RFC3: variants seen among roughly 807,000 people sequenced by gnomAD.
The protein encoded by RFC3 is replication factor C subunit 3, also known as A1 38 kDa subunit.
RFC3 carries 41 observed loss-of-function variants against 45.1 expected under a neutral mutation model. That is an observed-to-expected ratio of 0.91 (90% CI 0.71 to 1.18). RFC3 has a LOEUF of 1.18. Among genes scored for constraint, RFC3 ranks in the 50% most tolerant of loss-of-function variants. RFC3 has a pLI of 0.00. For missense variants in RFC3, 423 were observed against 428.1 expected (o/e 0.99, Z 0.10); for synonymous variants, 149 against 144.0 (o/e 1.03, Z -0.25).
At chr13:33,945,866 A>G (rs2082951066) in intron 8 of RFC3, among the ~76,000 whole-genome samples, 1 of 152,206 alleles carries the variant, frequency 6.6e-6, no homozygotes, top group Non-Finnish European at 1.5e-5. Flanking sequence ...ATCCCTTTCT[A>G]AGGCGGGACA....
chr13:33,862,024 G>T (rs2082343996), intron 8 of RFC3, among the ~76,000 whole-genome samples: 1 of 152,144 alleles, frequency 6.6e-6, no homozygotes, highest in Admixed American at 6.5e-5. Flanking sequence ...TAATTCACAG[G>T]ATTATCAAAA....
At chr13:33,824,010 A>C (rs1168578910) in intron 3 of RFC3, 26 bp downstream of exon 3, 1 of 1,201,696 alleles carries the variant, frequency 8.3e-7, no homozygotes, top group Non-Finnish European at 1.2e-6. Flanking sequence ...ATAGAAATTA[A>C]GTATTTTTAA....
intron 1 of RFC3, 32 bp downstream of exon 1, chr13:33,818,297 G>C (rs1256626313): frequency 6.3e-7 from 1 of 1,591,606 alleles, no homozygotes; most frequent in Non-Finnish European, 8.6e-7. Flanking sequence ...GCGTGGGAGA[G>C]GGGAGGCCCC....
At chr13:33,953,180 T>G (rs2083000916) in intron 8 of RFC3, among the ~76,000 whole-genome samples, 1 of 152,190 alleles carries the variant, frequency 6.6e-6, no homozygotes, top group African/African-American at 2.4e-5. Context: ...GTATTTATTT[T>G]AGAATGGATG....
At chr13:33,901,173 A>G (rs1319066070) in intron 8 of RFC3, among the ~76,000 whole-genome samples, 2 of 152,068 alleles carry the variant, frequency 1.3e-5, no homozygotes, top group African/African-American at 2.4e-5. Context: ...TATATGATAT[A>G]GGAATTCAAC....
In RFC3 at chr13:33,893,060, T is replaced by C. The variant is rs115515257; in HGVS notation, c.879+57843T>C. Among the ~76,000 whole-genome samples the C allele has an allele frequency of 3.9e-3, 591 of 152,268 alleles. 5 individuals are homozygous for C. The highest frequency in any genetic ancestry group is 0.014 in the African/African-American group (566 of 41,544). On this transcript the variant is annotated intron_variant, in intron 8 of 8. Transcript: ENST00000434425. ...CAAATGCCAGAAGGGACAATATCAC[T>C]GAGGACAGGCCGAGAGAAGGGAAGG...
chr13:33,951,551 T>A lies in RFC3; in HGVS notation c.880-14536T>A, dbSNP rs184546244. 3.7e-3 allele frequency among the ~76,000 whole-genome samples: 563 copies of A among 152,092 alleles called. 3 individuals are homozygous for A. The highest frequency in any genetic ancestry group is 6.3e-3 in the Non-Finnish European group (426 of 67,984). ...CCAGCTGTAAATAACTTTTTTTTTT[T>A]AAACCCAGGGGATTTTGTTTTTCTC... On this transcript the variant is annotated intron_variant, in intron 8 of 8. Coordinates refer to the RFC3 transcript ENST00000434425.
At position 33,960,565 on chromosome 13, in the gene RFC3, A is replaced by G. The variant is rs947600163; in HGVS notation, c.880-5522A>G. On this transcript the variant is annotated intron_variant, in intron 8 of 8. Transcript: ENST00000434425. ...CACCTACAAGGACTGGGCATCCTTC[A>G]TCTAAGATTTCTGGTCATGTTGGGT... is the stretch of plus-strand genomic sequence containing the variant. Among the ~76,000 whole-genome samples the G allele has an allele frequency of 5.3e-5, 8 of 152,212 alleles. 1 individual carries two copies. Among genetic ancestry groups the G allele is most frequent in the African/African-American group, 1.4e-4 (6 of 41,454 alleles).
chr13:33,944,427 TA>T (rs1278101612), intron 8 of RFC3, among the ~76,000 whole-genome samples: 2 of 152,218 alleles, frequency 1.3e-5, no homozygotes, highest in African/African-American at 4.8e-5. Flanking sequence ...GTGCTGTTGA[TA>T]ATGCTCTGAG....
intron 8 of RFC3, among the ~76,000 whole-genome samples, chr13:33,926,377 T>TA (rs989981634): frequency 6.8e-5 from 10 of 148,076 alleles, no homozygotes; most frequent in Non-Finnish European, 1.0e-4. Flanking sequence ...ATAAATAAAT[T>TA]AAAAAAAAAT....
intron 8 of RFC3, among the ~76,000 whole-genome samples, chr13:33,875,667 C>G (rs1236034136): frequency 6.6e-6 from 1 of 152,100 alleles, no homozygotes; most frequent in Admixed American, 6.5e-5. Context: ...CCAGCATGAT[C>G]CCAATTCACC....
chr13:33,938,862 A>G (rs1230082821), intron 8 of RFC3, among the ~76,000 whole-genome samples: 4 of 152,174 alleles, frequency 2.6e-5, no homozygotes, highest in East Asian at 1.9e-4. Flanking sequence ...TGATTATACA[A>G]ATTTACACTC....
intron 8 of RFC3, among the ~76,000 whole-genome samples, chr13:33,904,117 ACT>A (rs2082657973): frequency 6.8e-6 from 1 of 146,904 alleles, no homozygotes; most frequent in Admixed American, 6.6e-5. Flanking sequence ...GTCAATTTTA[ACT>A]CTTATTTATT....
chr13:33,830,096 A>G, intron 5 of RFC3, 79 bp downstream of exon 5: 1 of 1,299,996 alleles, frequency 7.7e-7, no homozygotes, highest in Non-Finnish European at 1.1e-6. Flanking sequence ...AAAAGAAGGG[A>G]ATCGTATCAG....
intron 3 of RFC3, among the ~76,000 whole-genome samples, chr13:33,825,231 G>A (rs575837141): frequency 3.3e-5 from 5 of 152,204 alleles, no homozygotes; most frequent in Middle Eastern, 3.4e-3. Context: ...CCTATAATAA[G>A]TCATCAGTTT....
chr13:33,957,128 T>G (rs1193824045), intron 8 of RFC3, among the ~76,000 whole-genome samples: 2 of 152,238 alleles, frequency 1.3e-5, no homozygotes, highest in Non-Finnish European at 2.9e-5. Flanking sequence ...TTGGTGACTT[T>G]TTTACAGGTT....
At chr13:33,833,376 A>AG in intron 7 of RFC3, among the ~76,000 whole-genome samples, 1 of 152,194 alleles carries the variant, frequency 6.6e-6, no homozygotes, top group Non-Finnish European at 1.5e-5. Flanking sequence ...GATTAAAAAA[A>AG]AAACCCTGAC....
intron 8 of RFC3, among the ~76,000 whole-genome samples, chr13:33,910,497 T>C (rs975695965): frequency 6.6e-6 from 1 of 151,980 alleles, no homozygotes; most frequent in Non-Finnish European, 1.5e-5. Flanking sequence ...CAGAGAACAG[T>C]GTAACAAATG....
intron 8 of RFC3, among the ~76,000 whole-genome samples, chr13:33,924,727 G>GTGTA (rs781404180): frequency 7.8e-5 from 7 of 89,298 alleles, no homozygotes; most frequent in South Asian, 3.7e-4. Context: ...GTGTGTGTGT[G>GTGTA]TATATATATA....
Sources: allele counts gnomAD v4.1 joint callset (sites outside exome capture counted in the v4.1 genomes callset), GRCh38; gene constraint gnomAD v4.1.1; transcripts MANE v1.5; gene names NCBI Gene and HGNC (gene_info 2026-07-23, HGNC 2026-07-21).